Variants in REC114 observed in about 807,000 individuals in gnomAD.
REC114 encodes REC114 meiotic recombination protein.
Under a neutral mutation model 31.3 loss-of-function variants are expected in REC114, and 27 were observed. The observed-to-expected ratio is 0.86, with a 90% CI of 0.64 to 1.19. REC114 has a LOEUF of 1.19. Among genes scored for constraint, REC114 ranks in the 50% most tolerant of loss-of-function variants. The pLI, the probability that REC114 is intolerant of heterozygous loss-of-function variation, is 0.00. For missense variants in REC114, 344 were observed against 326.9 expected, an observed-to-expected ratio of 1.05 and a Z score of -0.40; for synonymous variants, 134 against 127.7, an observed-to-expected ratio of 1.05 and a Z score of -0.33.
At chr15:73,531,174 G>C (rs1440749260) in intron 2 of REC114, among the ~76,000 whole-genome samples, 1 of 152,154 alleles carries the variant, frequency 6.6e-6, no homozygotes, top group African/African-American at 2.4e-5. Flanking sequence ...AAACTGGTAG[G>C]TGAAGTCAGA....
chr15:73,510,773 T>C (rs1158990958), intron 2 of REC114, among the ~76,000 whole-genome samples: 374 of 144,186 alleles, frequency 2.6e-3, no homozygotes, highest in African/African-American at 6.5e-3. Flanking sequence ...TGAACCAGCC[T>C]TGCATCCCAG....
At chr15:73,506,260 G>A (rs1364046052) in intron 2 of REC114, among the ~76,000 whole-genome samples, 1 of 152,140 alleles carries the variant, frequency 6.6e-6, no homozygotes, top group Non-Finnish European at 1.5e-5. Context: ...TGAGAACTGA[G>A]AAATAGGTTC....
chr15:73,520,755 AT>A, intron 2 of REC114, among the ~76,000 whole-genome samples: 1 of 152,158 alleles, frequency 6.6e-6, no homozygotes. Flanking sequence ...CATTTGTGTT[AT>A]CAGTAACTAT....
rs200952058 is a variant in REC114 at position 73,515,989 on chromosome 15, C to CT, written c.250-24483dup. ...CATGAAGGCCAGTCTCTAGCTTTTTCTTTTTTTTTTTTTGGAGACAGAGTT... is the reference window on the plus strand; with the variant it reads ...CATGAAGGCCAGTCTCTAGCTTTTTCTTTTTTTTTTTTTTGGAGACAGAGTT... On this transcript the variant is annotated intron_variant, in intron 2 of 5. Coordinates refer to ENST00000331090, the MANE Select transcript of REC114 (RefSeq NM_001042367.2). 3.7e-3 allele frequency among the ~76,000 whole-genome samples: 536 copies of CT among 143,106 alleles called. 2 individuals carry two copies. Among genetic ancestry groups the CT allele is most frequent in the East Asian group, 7.5e-3 (37 of 4,944 alleles). The allele number at this position is 143,106 out of a possible 152,430, so 93.9% of individuals were successfully genotyped here. A position where few individuals can be genotyped will look rare whatever the true frequency, so the allele number is the denominator to read the frequency against.
chr15:73,462,711 G>C (rs549038534), intron 1 of REC114, among the ~76,000 whole-genome samples: 1 of 151,786 alleles, frequency 6.6e-6, no homozygotes, highest in African/African-American at 2.4e-5. Flanking sequence ...CGGTGAAACC[G>C]CATCTCCACT....
intron 1 of REC114, among the ~76,000 whole-genome samples, chr15:73,471,648 GA>G (rs893123921): frequency 2.7e-5 from 4 of 149,836 alleles, no homozygotes; most frequent in Non-Finnish European, 4.5e-5. Context: ...GCTATGATTT[GA>G]AAAAAAAATA....
intron 2 of REC114, among the ~76,000 whole-genome samples, chr15:73,525,129 C>T (rs1893988340): frequency 6.6e-6 from 1 of 152,124 alleles, no homozygotes; most frequent in African/African-American, 2.4e-5. Context: ...AGGCATTTTG[C>T]TTGTTGACTT....
At chr15:73,554,965 C>G (rs973113665) in intron 4 of REC114, among the ~76,000 whole-genome samples, 3 of 152,234 alleles carry the variant, frequency 2.0e-5, no homozygotes, top group African/African-American at 4.8e-5. Flanking sequence ...AGAAACTGAA[C>G]AGAGAAATGG....
At chr15:73,518,249 A>G (rs986154602) in intron 2 of REC114, among the ~76,000 whole-genome samples, 11 of 152,236 alleles carry the variant, frequency 7.2e-5, no homozygotes, top group South Asian at 4.1e-4. Context: ...AACAAAGTAA[A>G]TAACTTATTC....
intron 1 of REC114, among the ~76,000 whole-genome samples, chr15:73,465,877 A>G (rs1295367508): frequency 6.6e-6 from 1 of 152,104 alleles, no homozygotes; most frequent in African/African-American, 2.4e-5. Flanking sequence ...TTTGAGACGG[A>G]GTCTCGCTCT....
intron 2 of REC114, among the ~76,000 whole-genome samples, chr15:73,476,365 C>T (rs1448986480): frequency 2.6e-5 from 4 of 152,212 alleles, no homozygotes; most frequent in African/African-American, 9.6e-5. Flanking sequence ...TTTCAATTAA[C>T]CCAATTTCCT....
chr15:73,540,057 A>G (rs1331578721), intron 2 of REC114, among the ~76,000 whole-genome samples: 1 of 152,210 alleles, frequency 6.6e-6, no homozygotes, highest in Non-Finnish European at 1.5e-5. Context: ...GAATATGAAA[A>G]TAAGATTCTT....
chr15:73,541,300 C>T (rs772488464), intron 3 of REC114, among the ~76,000 whole-genome samples: 5 of 152,254 alleles, frequency 3.3e-5, no homozygotes, highest in Non-Finnish European at 4.4e-5. Context: ...CAGCAGACCA[C>T]AGTAGTTTTA....
chr15:73,483,044 G>C (rs1035604078), intron 2 of REC114, among the ~76,000 whole-genome samples: 2 of 151,964 alleles, frequency 1.3e-5, no homozygotes, highest in African/African-American at 2.4e-5. Context: ...ATTGATCTTA[G>C]CGGGTGTAAG....
At chr15:73,489,229 A>G in intron 2 of REC114, among the ~76,000 whole-genome samples, 1 of 132,820 alleles carries the variant, frequency 7.5e-6, no homozygotes. Context: ...TTTGAGACAG[A>G]GTCTCACTCT....
At chr15:73,535,838 A>G (rs1455760796) in intron 2 of REC114, among the ~76,000 whole-genome samples, 5 of 152,038 alleles carry the variant, frequency 3.3e-5, no homozygotes, top group East Asian at 1.9e-4. Flanking sequence ...ATATAGATCA[A>G]TGGAACAGAA....
At chr15:73,476,224 A>T (rs902454641) in intron 2 of REC114, among the ~76,000 whole-genome samples, 3 of 152,174 alleles carry the variant, frequency 2.0e-5, no homozygotes, top group African/African-American at 4.8e-5. Context: ...AATCTTTTTT[A>T]AAATTATTTT....
chr15:73,529,948 G>T (rs1019869227), intron 2 of REC114, among the ~76,000 whole-genome samples: 1 of 152,156 alleles, frequency 6.6e-6, no homozygotes, highest in Non-Finnish European at 1.5e-5. Context: ...ATTTCTAGAT[G>T]ATAAAAATTG....
intron 2 of REC114, among the ~76,000 whole-genome samples, chr15:73,516,151 A>C (rs768419597): frequency 2.0e-5 from 3 of 151,898 alleles, no homozygotes; most frequent in African/African-American, 7.3e-5. Flanking sequence ...AGGCCCAGCT[A>C]ATTTTTGTAT....
Sources: gnomAD v4.1 joint callset for allele counts (sites outside exome capture counted in the v4.1 genomes callset) on GRCh38, gnomAD v4.1.1 for gene constraint, MANE v1.5 for transcripts, NCBI Gene and HGNC (gene_info 2026-07-23, HGNC 2026-07-21) for gene names.